GRAP2: variants seen among roughly 807,000 people sequenced by gnomAD.
The protein encoded by GRAP2 is GRB2-related adapter protein 2.
A neutral mutation model predicts 43.5 loss-of-function variants in GRAP2; 31 were observed. The ratio of observed to expected loss-of-function variants is 0.71; its 90% CI spans 0.54 to 0.96. The LOEUF (loss-of-function observed/expected upper bound fraction) is 0.96. Among genes scored for constraint, GRAP2 ranks in the 40% least tolerant of loss-of-function variants. GRAP2 has a pLI of 0.00. For synonymous variants in GRAP2, 156 were observed against 164.8 expected (o/e 0.95, Z 0.41); for missense variants, 371 against 424.4 (o/e 0.87, Z 1.11).
intron 2 of GRAP2, among the ~76,000 whole-genome samples, chr22:39,951,945 A>G (rs1053194563): frequency 6.6e-6 from 1 of 152,040 alleles, no homozygotes; most frequent in Non-Finnish European, 1.5e-5. Context: ...TTCAGTTTCT[A>G]GAGGAGGTCT....
At chr22:39,910,008 A>G (rs1002667548) in intron 1 of GRAP2, among the ~76,000 whole-genome samples, 3 of 152,218 alleles carry the variant, frequency 2.0e-5, no homozygotes, top group Non-Finnish European at 4.4e-5. Context: ...CTTTTCCCAG[A>G]TAGCCTGCTC....
intron 4 of GRAP2, among the ~76,000 whole-genome samples, chr22:39,961,957 A>G (rs2067124012): frequency 6.6e-6 from 1 of 152,204 alleles, no homozygotes; most frequent in East Asian, 1.9e-4. Flanking sequence ...CATACCTTTA[A>G]AGTGGTCTCT....
rs1478733870 is a variant in GRAP2, at chr22:39,969,425, C to A, written c.705C>A (p.Gly235=). 1.9e-6 allele frequency: 3 copies of A among 1,613,806 alleles called. No individual in the cohort carries two copies. The highest frequency in any genetic ancestry group is 2.5e-6 in the Non-Finnish European group (3 of 1,179,864). Residue 235 remains glycine, a synonymous_variant, in exon 7 of 8, where the codon GGC becomes GGA. Coordinates refer to ENST00000344138, the MANE Select transcript of GRAP2 (RefSeq NM_004810.4). ...TATGTTTCTAGGAACGCCGAGGAGG[C>A]AGCCTTGACATAAATGATGGGCATT... ...HHHFHQERRG[G]SLDINDGHCG...
At chr22:39,951,667 C>T (rs909268397) in intron 2 of GRAP2, among the ~76,000 whole-genome samples, 5 of 151,972 alleles carry the variant, frequency 3.3e-5, no homozygotes, top group Non-Finnish European at 7.4e-5. Context: ...CAGGTTTACA[C>T]GATGGGTACA....
At chr22:39,903,620 G>A (rs1053214027) in intron 1 of GRAP2, among the ~76,000 whole-genome samples, 3 of 151,704 alleles carry the variant, frequency 2.0e-5, no homozygotes, top group Admixed American at 6.6e-5. Flanking sequence ...TGAGACTACA[G>A]GTACACACCA....
At chr22:39,903,015 A>G (rs955977837) in intron 1 of GRAP2, among the ~76,000 whole-genome samples, 1 of 152,240 alleles carries the variant, frequency 6.6e-6, no homozygotes, top group Non-Finnish European at 1.5e-5. Context: ...TAGTTCCAAC[A>G]TATTTATTGA....
At chr22:39,964,003 G>A (rs568133463) in intron 4 of GRAP2, 10 of 178,082 alleles carry the variant, frequency 5.6e-5, no homozygotes, top group South Asian at 3.5e-4. Flanking sequence ...GCGACAGAGC[G>A]AGACTCTGAC....
At chr22:39,932,331 G>T (rs902409795) in intron 1 of GRAP2, among the ~76,000 whole-genome samples, 5 of 152,174 alleles carry the variant, frequency 3.3e-5, no homozygotes, top group African/African-American at 1.2e-4. Context: ...AACCCTACTT[G>T]GTGAGGTGTA....
At position 39,971,362 on chromosome 22, in the gene GRAP2, A is replaced by G; in HGVS notation, c.*278A>G. On this transcript the variant is annotated 3_prime_UTR_variant, in exon 8 of 8. Coordinates refer to ENST00000344138, the MANE Select transcript of GRAP2 (RefSeq NM_004810.4). ...AGTTGGGAGGGGGGCAGGGAAATGAAATGGAGTTTTGTCCTGGCCTTCAGC... is the reference window on the plus strand; with the variant it reads ...AGTTGGGAGGGGGGCAGGGAAATGAGATGGAGTTTTGTCCTGGCCTTCAGC... 2.3e-6 allele frequency: 1 copy of G among 428,802 alleles called. No homozygotes were observed. Among genetic ancestry groups the G allele is most frequent in the Non-Finnish European group, 4.1e-6 (1 of 244,404 alleles). 26.6% of individuals were successfully genotyped at this position (428,802 alleles called of 1,614,324 possible).
rs891545072 is a variant in GRAP2 at position 39,916,367 on chromosome 22, G to A, written c.-15+15037G>A. 2.0e-5 allele frequency among the ~76,000 whole-genome samples: 3 copies of A among 152,206 alleles called. No homozygotes were observed. In the East Asian group the frequency reaches 5.8e-4, roughly 29 times the overall value. On this transcript the variant is annotated intron_variant, in intron 1 of 7. Coordinates refer to ENST00000344138, the MANE Select transcript of GRAP2 (RefSeq NM_004810.4). The stretch of plus-strand genomic sequence containing the variant: ...AAAAAGGCTTTGTCCCCAGAGGTTG[G>A]TCTTCAATTTGGAAAAATTCCTACC...
chr22:39,919,573 A>G (rs952776025), intron 1 of GRAP2, among the ~76,000 whole-genome samples: 1 of 152,210 alleles, frequency 6.6e-6, no homozygotes. Flanking sequence ...TCAGAGATGT[A>G]TGATTGCAGA....
rs2067265169 is a variant in GRAP2 at position 39,973,396 on chromosome 22, G to T, written c.*2312G>T. 1.3e-5 allele frequency: 2 copies of T among 152,260 alleles called. No homozygotes were observed. Among genetic ancestry groups the T allele is most frequent in the African/African-American group, 4.8e-5 (2 of 41,464 alleles). 9.4% of individuals were successfully genotyped at this position (152,260 alleles called of 1,614,324 possible). A position where few individuals can be genotyped will look rare whatever the true frequency, so the allele number is the denominator to read the frequency against. On this transcript the variant is annotated 3_prime_UTR_variant, in exon 8 of 8. Coordinates refer to ENST00000344138, the MANE Select transcript of GRAP2 (RefSeq NM_004810.4). ...CCCCTCAGGTAGAGAGTGAGAACGA[G>T]ACCAGGGGGTGACAGGGGTCATCGG...
Position 39,968,049 on chromosome 22 carries a change from G to T in GRAP2, c.467G>T (p.Arg156Leu), listed in dbSNP as rs976111985. ...RDRTREDQGHRGNSLDRRSQG... is the reference protein window; with the variant it reads ...RDRTREDQGHLGNSLDRRSQG... ...CTCTGTTCTTTCTCCCAGGGTCACC[G>T]GGGCAACAGCCTGGACCGGAGGTCC... Residue 156 changes from arginine to leucine, a missense_variant, in exon 6 of 8, where the codon CGG becomes CTG. Physicochemically the swap from Arg to Leu is moderately radical, Grantham distance 102. Transcript: ENST00000344138. 3.1e-6 allele frequency: 5 copies of T among 1,612,030 alleles called. No homozygotes were observed. The South Asian group carries it at 3.3e-5, about 11-fold the overall frequency.
At chr22:39,947,287 A>C (rs960880929) in intron 2 of GRAP2, 103 bp downstream of exon 2, 1 of 762,366 alleles carries the variant, frequency 1.3e-6, no homozygotes, top group Non-Finnish European at 2.4e-6. Context: ...GGTTCCTTTT[A>C]AAAAGAGAAG....
intron 7 of GRAP2, 29 bp from the exon 8 acceptor site, chr22:39,970,876 C>T (rs758123090): frequency 6.4e-7 from 1 of 1,560,502 alleles, no homozygotes; most frequent in South Asian, 1.2e-5. Context: ...CACAGCTCAG[C>T]AGAGCCTCTT....
upstream of GRAP2, among the ~76,000 whole-genome samples, chr22:39,897,981 A>G (rs371922171): frequency 2.0e-5 from 3 of 152,314 alleles, no homozygotes; most frequent in East Asian, 3.9e-4. Flanking sequence ...CACTCAGAGT[A>G]AAATCCAAAG....
chr22:39,922,859 A>G (rs1202382092), intron 1 of GRAP2, among the ~76,000 whole-genome samples: 1 of 152,172 alleles, frequency 6.6e-6, no homozygotes, highest in African/African-American at 2.4e-5. Flanking sequence ...CCTGGGCAAC[A>G]TGGTGAAACC....
At chr22:39,919,019 TG>T (rs2066627354) in intron 1 of GRAP2, among the ~76,000 whole-genome samples, 1 of 152,226 alleles carries the variant, frequency 6.6e-6, no homozygotes, top group African/African-American at 2.4e-5. Context: ...GACTCATGCC[TG>T]TAATCCCAGC....
intron 1 of GRAP2, among the ~76,000 whole-genome samples, chr22:39,919,639 TA>T (rs1336497226): frequency 6.6e-6 from 1 of 152,228 alleles, no homozygotes; most frequent in Non-Finnish European, 1.5e-5. Context: ...CACCCAGTTT[TA>T]CCTGTCTATC....
Sources: allele counts gnomAD v4.1 joint callset (sites outside exome capture counted in the v4.1 genomes callset), GRCh38; gene constraint gnomAD v4.1.1; transcripts MANE v1.5; gene names NCBI Gene and HGNC (gene_info 2026-07-23, HGNC 2026-07-21).